DCBLD1: variants seen among roughly 807,000 people sequenced by gnomAD.
DCBLD1 encodes the protein discoidin, CUB and LCCL domain containing 1, also known as discoidin, CUB and LCCL domain-containing protein 1.
A neutral mutation model predicts 71.5 loss-of-function variants in DCBLD1; 57 were observed. That is an observed-to-expected ratio of 0.80 (90% CI 0.64 to 0.99). The LOEUF (loss-of-function observed/expected upper bound fraction) is 0.99, where lower values mean the gene tolerates loss of function less well. Among genes scored for constraint, DCBLD1 ranks in the 50% least tolerant of loss-of-function variants. DCBLD1 has a pLI of 0.00. For missense variants in DCBLD1, 891 were observed against 923.5 expected (o/e 0.96, Z 0.46); for synonymous variants, 380 against 363.8 (o/e 1.04, Z -0.51).
At chr6:117,569,481 T>A (rs1779762882) in intron 14 of DCBLD1, 1 of 1,500,472 alleles carries the variant, frequency 6.7e-7, no homozygotes, top group African/African-American at 1.5e-5. Flanking sequence ...AACACTTTAC[T>A]ACTTTAGAAA....
At chr6:117,544,354 A>G (rs1779195081) in intron 12 of DCBLD1, 174 bp from the exon 13 acceptor site, 1 of 500,052 alleles carries the variant, frequency 2.0e-6, no homozygotes, top group Non-Finnish European at 3.4e-6. Context: ...AGATAAATTT[A>G]TAGATAATTC....
At chr6:117,489,746 G>A (rs1338988239) in intron 1 of DCBLD1, among the ~76,000 whole-genome samples, 3 of 152,154 alleles carry the variant, frequency 2.0e-5, no homozygotes, top group Non-Finnish European at 4.4e-5. Flanking sequence ...TTAGCCGGGC[G>A]TGGTGGCGGG....
At chr6:117,541,799 A>T (rs1779105164) in intron 11 of DCBLD1, among the ~76,000 whole-genome samples, 1 of 152,210 alleles carries the variant, frequency 6.6e-6, no homozygotes, top group Non-Finnish European at 1.5e-5. Context: ...GTAGCATATC[A>T]TATTATTCTG....
chr6:117,568,418 T>C (rs533870353), intron 14 of DCBLD1, among the ~76,000 whole-genome samples: 4 of 152,308 alleles, frequency 2.6e-5, no homozygotes, highest in Non-Finnish European at 2.9e-5. Flanking sequence ...AGTTTAAGGT[T>C]ATACCTCAGA....
intron 1 of DCBLD1, among the ~76,000 whole-genome samples, chr6:117,487,434 G>C (rs1320465025): frequency 6.6e-6 from 1 of 152,122 alleles, no homozygotes; most frequent in Non-Finnish European, 1.5e-5. Flanking sequence ...GAGACAGCCT[G>C]AGCAACATAG....
rs1176782164 is a variant in DCBLD1, at chr6:117,532,241, T to C, written c.586-19T>C. ...CTGTGTTCTTTTAAGTTCTGCATAA[T>C]GATGTTGCTGTGTTTCAGACCTCTT... is the stretch of plus-strand genomic sequence containing the variant. On this transcript the variant is annotated intron_variant, in intron 5 of 14. Transcript: ENST00000338728. The C allele has an allele frequency of 1.3e-5, 21 of 1,578,216 alleles. No homozygotes were observed. The highest frequency in any genetic ancestry group is 1.8e-5 in the Non-Finnish European group (21 of 1,168,826).
Position 117,563,261 on chromosome 6 carries a change from G to A in DCBLD1, c.1616-6359G>A, listed in dbSNP as rs1016663215. ...TCTGGAGATATGGTCAATTTAATAAGATTTTTTATGATACAGAGTGTGCAG... is the reference window on the plus strand; with the variant it reads ...TCTGGAGATATGGTCAATTTAATAAAATTTTTTATGATACAGAGTGTGCAG... On this transcript the variant is annotated intron_variant, in intron 14 of 14. Transcript: ENST00000296955. The A allele has an allele frequency of 2.5e-6, 4 of 1,612,610 alleles. No individual in the cohort carries two copies. The African/African-American group carries it at 5.3e-5, about 22-fold the overall frequency.
chr6:117,537,406 C>T (rs550549142), intron 7 of DCBLD1, among the ~76,000 whole-genome samples, 181 bp downstream of exon 7: 16 of 151,630 alleles, frequency 1.1e-4, no homozygotes, highest in East Asian at 3.9e-4. Context: ...TGGTGGGGGG[C>T]GCCTGTAGTC....
intron 2 of DCBLD1, among the ~76,000 whole-genome samples, chr6:117,511,453 C>T (rs752846158): frequency 2.0e-5 from 3 of 152,162 alleles, no homozygotes; most frequent in African/African-American, 2.4e-5. Flanking sequence ...TGTTCTCCTA[C>T]GTTTTCTGTA....
intron 3 of DCBLD1, among the ~76,000 whole-genome samples, chr6:117,520,961 T>C (rs1231894311): frequency 2.0e-5 from 3 of 152,262 alleles, no homozygotes; most frequent in East Asian, 3.9e-4. Flanking sequence ...CAAGGTCCAC[T>C]GTATCTTAGC....
intron 7 of DCBLD1, among the ~76,000 whole-genome samples, chr6:117,538,369 G>A (rs1778970820): frequency 6.6e-6 from 1 of 152,186 alleles, no homozygotes; most frequent in Admixed American, 6.5e-5. Context: ...TGGGGACGAA[G>A]AGGTGTCACT....
chr6:117,521,642 T>A, intron 4 of DCBLD1, 66 bp downstream of exon 4: 1 of 1,333,642 alleles, frequency 7.5e-7, no homozygotes, highest in Non-Finnish European at 1.0e-6. Context: ...TCTTTCACGT[T>A]AAACCAGATA....
At chr6:117,515,186 A>AT (rs1275809824) in intron 2 of DCBLD1, among the ~76,000 whole-genome samples, 2 of 151,492 alleles carry the variant, frequency 1.3e-5, no homozygotes, top group Non-Finnish European at 2.9e-5. Flanking sequence ...TGCTCGGCTA[A>AT]TTTTTTTTGT....
At chr6:117,497,760 A>T (rs987677942) in intron 1 of DCBLD1, among the ~76,000 whole-genome samples, 1 of 152,194 alleles carries the variant, frequency 6.6e-6, no homozygotes, top group Non-Finnish European at 1.5e-5. Flanking sequence ...ACTTCTTCCT[A>T]TCTGTATTAT....
intron 14 of DCBLD1, chr6:117,561,336 A>C (rs1347934663): frequency 1.3e-5 from 3 of 224,962 alleles, no homozygotes; most frequent in Non-Finnish European, 2.7e-5. Context: ...TACATTTCCT[A>C]AGGATTCAGT....
chr6:117,484,490 A>AG (rs138396876), intron 1 of DCBLD1, among the ~76,000 whole-genome samples: 3,742 of 152,234 alleles, frequency 0.025, 64 homozygotes, highest in Non-Finnish European at 0.037. Context: ...CTGACACTAC[A>AG]GGTGCATCCC....
chr6:117,548,033 C>A lies in DCBLD1; in HGVS notation c.1742C>A (p.Pro581Gln), dbSNP rs759114446. The change falls in exon 15 of 15, where the codon CCG becomes CAG. Residue 581 changes from proline (P) to glutamine (Q), a missense_variant. Physicochemically the swap from Pro to Gln is moderately conservative, Grantham distance 76. Transcript: ENST00000338728. ...GATGCCGGCGGCCACTATGACTGCC[C>A]GCAGCGGGCCGGCCGCCACGAGTAC... The part of the protein sequence containing the change: ...STDAGGHYDC[P>Q]QRAGRHEYAL... 5 of 1,549,542 alleles carry A rather than the reference C, an allele frequency of 3.2e-6. No individual in the cohort carries two copies. The highest frequency in any genetic ancestry group is 2.7e-5 in the African/African-American group (2 of 73,150).
intron 1 of DCBLD1, chr6:117,503,555 T>C: frequency 1.7e-6 from 1 of 571,788 alleles, no homozygotes; most frequent in Non-Finnish European, 3.1e-6. Context: ...AATGTTTTGA[T>C]CAACAAGAAG....
At chr6:117,546,700 C>G (rs1012358332) in intron 14 of DCBLD1, among the ~76,000 whole-genome samples, 23 of 152,106 alleles carry the variant, frequency 1.5e-4, no homozygotes, top group African/African-American at 4.1e-4. Flanking sequence ...CCCCACTCAC[C>G]ACAGTCTCTC....
Sources: allele counts gnomAD v4.1 joint callset (sites outside exome capture counted in the v4.1 genomes callset), GRCh38; gene constraint gnomAD v4.1.1; transcripts MANE v1.5; gene names NCBI Gene and HGNC (gene_info 2026-07-23, HGNC 2026-07-21).